Variants in ARRDC4 observed in about 807,000 individuals in gnomAD.
The protein encoded by ARRDC4 is arrestin domain containing 4.
Under a neutral mutation model 44.6 loss-of-function variants are expected in ARRDC4, and 40 were observed. That is an observed-to-expected ratio of 0.90 (90% confidence interval 0.70 to 1.17). ARRDC4 has a LOEUF of 1.17. Ranked by LOEUF, ARRDC4 falls within the 50% of genes most tolerant of loss-of-function variation. ARRDC4 has a pLI of 0.00. For synonymous variants in ARRDC4, 211 were observed against 221.2 expected, an observed-to-expected ratio of 0.95 and a Z score of 0.41; for missense variants, 550 against 559.1, an observed-to-expected ratio of 0.98 and a Z score of 0.16.
rs1899485347 is a variant in ARRDC4 at position 97,970,170 on chromosome 15, C to G, written c.1045+125C>G. Reference sequence around the variant, plus strand: ...GCTACTATAGGTATCTTTATTCCTACTACTAAAAAATCAGAAAGCATTAGT... The same window carrying G: ...GCTACTATAGGTATCTTTATTCCTAGTACTAAAAAATCAGAAAGCATTAGT... On this transcript the variant is annotated intron_variant, in intron 6 of 7. Coordinates refer to ENST00000268042, the MANE Select transcript of ARRDC4 (RefSeq NM_183376.3). This position sits in a 1 kb window ranked among gnomAD's most constrained non-coding sequence, Gnocchi z 4.2. 1 of 1,072,476 alleles carries G rather than the reference C, an allele frequency of 9.3e-7. No homozygotes were observed. Among genetic ancestry groups the G allele is most frequent in the Non-Finnish European group, 1.3e-6 (1 of 794,502 alleles). The allele number at this position is 1,072,476 out of a possible 1,614,324, so 66.4% of individuals were successfully genotyped here.
At position 97,965,531 on chromosome 15, in the gene ARRDC4, T is replaced by C; in HGVS notation, c.308-69T>C. The stretch of plus-strand genomic sequence containing the variant: ...GAGAAAAACTTCCTTCAAAAAATTA[T>C]TTACATTGTGAAAACTCTTGATCTA... On this transcript the variant is annotated intron_variant, in intron 1 of 7. Transcript: ENST00000268042. This position sits in a 1 kb window ranked among gnomAD's most constrained non-coding sequence, Gnocchi z 5.1. 1 of 1,333,790 alleles carries C rather than the reference T, an allele frequency of 7.5e-7. No homozygotes were observed. The highest frequency in any genetic ancestry group is 1.2e-5 in the South Asian group (1 of 82,866). 82.6% of individuals were successfully genotyped at this position (1,333,790 alleles called of 1,614,324 possible). A position where few individuals can be genotyped will look rare whatever the true frequency, so the allele number is the denominator to read the frequency against.
At position 97,965,868 on chromosome 15, in the gene ARRDC4, A is replaced by C. The variant is rs781067926; in HGVS notation, c.375-27A>C. 2 of 1,605,096 alleles carry C rather than the reference A, an allele frequency of 1.2e-6. No individual in the cohort carries two copies. The highest frequency in any genetic ancestry group is 3.4e-5 in the Admixed American group (2 of 58,484). On this transcript the variant is annotated intron_variant, in intron 2 of 7. Transcript: ENST00000268042. The surrounding 1 kb of genome is among the most constrained non-coding windows in gnomAD (Gnocchi z 5.1). ...CTTTGTTTAACTGAAAAGTAAACTCATAATTAATGTCTTTGGTTGGTTTCA... is the reference window on the plus strand; with the variant it reads ...CTTTGTTTAACTGAAAAGTAAACTCCTAATTAATGTCTTTGGTTGGTTTCA...
At position 97,965,323 on chromosome 15, in the gene ARRDC4, C is replaced by T. The variant is rs951476584; in HGVS notation, c.308-277C>T. Among the ~76,000 whole-genome samples, 6 of 152,152 alleles carry T rather than the reference C, an allele frequency of 3.9e-5. No homozygotes were observed. The East Asian group carries it at 7.7e-4, about 20-fold the overall frequency. ...ATGGCACATGCATATAGTCCCAGCT[C>T]CTTGGGAGTCTGAGGCAGGAAGATT... is the stretch of plus-strand genomic sequence containing the variant. On this transcript the variant is annotated intron_variant, in intron 1 of 7. Coordinates refer to ENST00000268042, the MANE Select transcript of ARRDC4 (RefSeq NM_183376.3). This position sits in a 1 kb window ranked among gnomAD's most constrained non-coding sequence, Gnocchi z 5.1.
chr15:97,961,292 G>A lies in ARRDC4; in HGVS notation c.307+124G>A, dbSNP rs954866737. 9 of 921,562 alleles carry A rather than the reference G, an allele frequency of 9.8e-6. No homozygotes were observed. In the South Asian group the frequency reaches 3.1e-4, roughly 32 times the overall value. 57.1% of individuals were successfully genotyped at this position (921,562 alleles called of 1,614,324 possible). A position where few individuals can be genotyped will look rare whatever the true frequency, so the allele number is the denominator to read the frequency against. The stretch of plus-strand genomic sequence containing the variant: ...GATCAGGGCGGGCTTCCGGGGGTGG[G>A]GTCCGGCCTACCCTCGCGGGTAAGG... On this transcript the variant is annotated intron_variant, in intron 1 of 7. Coordinates refer to ENST00000268042, the MANE Select transcript of ARRDC4 (RefSeq NM_183376.3).
rs34951525 is a variant in ARRDC4, at chr15:97,972,309, A to T, written c.*1122A>T. ...GAGTGCCATTTTTAGAAAAGACACA[A>T]CTTTAATTCCTGTCAAGAGACCTAG... On this transcript the variant is annotated 3_prime_UTR_variant, in exon 8 of 8. Coordinates refer to ENST00000268042, the MANE Select transcript of ARRDC4 (RefSeq NM_183376.3). This position sits in a 1 kb window ranked among gnomAD's most constrained non-coding sequence, Gnocchi z 5.3. 8,295 of 152,698 alleles carry T rather than the reference A, an allele frequency of 0.054. 300 individuals carry two copies. Among genetic ancestry groups the T allele is most frequent in the East Asian group, 0.17 (880 of 5,178 alleles). The allele number at this position is 152,698 out of a possible 1,614,324, so 9.5% of individuals were successfully genotyped here. A position where few individuals can be genotyped will look rare whatever the true frequency, so the allele number is the denominator to read the frequency against.
rs1326832952 is a variant in ARRDC4 at position 97,968,542 on chromosome 15, G to A, written c.625+426G>A. On this transcript the variant is annotated intron_variant, in intron 4 of 7. Transcript: ENST00000268042. This position sits in a 1 kb window ranked among gnomAD's most constrained non-coding sequence, Gnocchi z 5.4. ...AGTGTATTAACAAACTTAACAATCA[G>A]ATTGTTACTGGAATTGCCATTAGTG... 6.6e-6 allele frequency among the ~76,000 whole-genome samples: 1 copy of A among 152,202 alleles called. No individual in the cohort carries two copies. The highest frequency in any genetic ancestry group is 1.5e-5 in the Non-Finnish European group (1 of 68,026).
rs996455442 is a variant in ARRDC4, at chr15:97,967,679, T to G, written c.523-335T>G. On this transcript the variant is annotated intron_variant, in intron 3 of 7. Coordinates refer to ENST00000268042, the MANE Select transcript of ARRDC4 (RefSeq NM_183376.3). The surrounding 1 kb of genome is among the most constrained non-coding windows in gnomAD (Gnocchi z 5.0). ...TTATATATAAAGTCTTAAAAATAAT[T>G]CTGTCATGTTTATAAGTCCTAATAC... is the stretch of plus-strand genomic sequence containing the variant. Among the ~76,000 whole-genome samples, 1 of 152,146 alleles carries G rather than the reference T, an allele frequency of 6.6e-6. No individual in the cohort carries two copies. The highest frequency in any genetic ancestry group is 1.5e-5 in the Non-Finnish European group (1 of 68,024).
At chr15:97,969,093 G>A (rs1279925370) in intron 4 of ARRDC4, 30 bp from the exon 5 acceptor site, 2 of 1,605,210 alleles carry the variant, frequency 1.2e-6, no homozygotes, top group Middle Eastern at 3.3e-4. Context: ...AAGAGTCTCT[G>A]AATCCTCCCT....
chr15:97,971,014 G>T (rs1372096297), intron 7 of ARRDC4, 117 bp from the exon 8 acceptor site: 2 of 1,186,750 alleles, frequency 1.7e-6, no homozygotes, highest in Non-Finnish European at 2.5e-6. Context: ...AGCACCTTCT[G>T]GGACTTACAC....
chr15:97,970,031 C>A lies in ARRDC4; in HGVS notation c.1031C>A (p.Pro344Gln), dbSNP rs145261339. The part of the protein sequence containing the change: ...MDMSWLTLTL[P>Q]EQPEAPPNYA... ...ATGAGCTGGTTGACACTGACCCTGC[C>A]AGAGCAGCCTGAAGGTAAAATATGT... is the stretch of plus-strand genomic sequence containing the variant. The change falls in exon 6 of 8, where the codon CCA (proline) becomes CAA (glutamine). Residue 344 changes from proline to glutamine, a missense_variant. Physicochemically the swap from Pro to Gln is moderately conservative, Grantham distance 76. Coordinates refer to ENST00000268042, the MANE Select transcript of ARRDC4 (RefSeq NM_183376.3). This position sits in a 1 kb window ranked among gnomAD's most constrained non-coding sequence, Gnocchi z 4.2. 1 of 1,608,862 alleles carries A rather than the reference C, an allele frequency of 6.2e-7. No homozygotes were observed. The highest frequency in any genetic ancestry group is 8.5e-7 in the Non-Finnish European group (1 of 1,177,346).
At position 97,965,585 on chromosome 15, in the gene ARRDC4, T is replaced by C; in HGVS notation, c.308-15T>C. ...CTAACTATCCTTCATTAAAATAAAATACAATCTCTTATAGGTGAAGGCATC... is the reference window on the plus strand; with the variant it reads ...CTAACTATCCTTCATTAAAATAAAACACAATCTCTTATAGGTGAAGGCATC... On this transcript the variant is annotated splice_polypyrimidine_tract_variant and intron_variant, in intron 1 of 7. Transcript: ENST00000268042. The surrounding 1 kb of genome is among the most constrained non-coding windows in gnomAD (Gnocchi z 5.1). The C allele has an allele frequency of 6.3e-7, 1 of 1,592,538 alleles. No homozygotes were observed.
chr15:97,962,855 T>C (rs1050612664), intron 1 of ARRDC4, among the ~76,000 whole-genome samples: 17 of 152,222 alleles, frequency 1.1e-4, no homozygotes, highest in Admixed American at 5.9e-4. Flanking sequence ...TTACAAAACC[T>C]GGCTGTGTTT....
In ARRDC4 at chr15:97,970,504, T is replaced by C. The variant is rs567807605; in HGVS notation, c.1046-85T>C. ...ATGCCATATTTTTTATCTTCAAGTT[T>C]AGCTGTTTCTTGTTTTTGTAGCAGT... On this transcript the variant is annotated intron_variant, in intron 6 of 7. Coordinates refer to ENST00000268042, the MANE Select transcript of ARRDC4 (RefSeq NM_183376.3). This position sits in a 1 kb window ranked among gnomAD's most constrained non-coding sequence, Gnocchi z 4.2. The C allele has an allele frequency of 7.3e-7, 1 of 1,377,246 alleles. No homozygotes were observed. Among genetic ancestry groups the C allele is most frequent in the African/African-American group, 1.4e-5 (1 of 69,268 alleles). The allele number at this position is 1,377,246 out of a possible 1,614,324, so 85.3% of individuals were successfully genotyped here.
rs1442748318 is a variant in ARRDC4 at position 97,970,234 on chromosome 15, G to T, written c.1045+189G>T. Among the ~76,000 whole-genome samples the T allele has an allele frequency of 6.6e-6, 1 of 152,062 alleles. No individual in the cohort carries two copies. The highest frequency in any genetic ancestry group is 1.5e-5 in the Non-Finnish European group (1 of 68,010). On this transcript the variant is annotated intron_variant, in intron 6 of 7. Coordinates refer to ENST00000268042, the MANE Select transcript of ARRDC4 (RefSeq NM_183376.3). This position sits in a 1 kb window ranked among gnomAD's most constrained non-coding sequence, Gnocchi z 4.2. ...TTGAAAGTTTAGCTTTATCTAGGAC[G>T]CAAAGCTGCTGATAGCAGATTCAGG...
Position 97,960,819 on chromosome 15 carries a change from G to C in ARRDC4, c.-43G>C. 1.6e-6 allele frequency: 2 copies of C among 1,268,598 alleles called. No individual in the cohort carries two copies. The highest frequency in any genetic ancestry group is 2.0e-6 in the Non-Finnish European group (2 of 1,008,604). 78.6% of individuals were successfully genotyped at this position (1,268,598 alleles called of 1,614,324 possible). ...CGCTGTGCTCGCGACCCCGGCTCCG[G>C]GCCTCTGCCGACCTCAGGGGCAGGA... is the stretch of plus-strand genomic sequence containing the variant. On this transcript the variant is annotated 5_prime_UTR_variant, in exon 1 of 8. Coordinates refer to ENST00000268042, the MANE Select transcript of ARRDC4 (RefSeq NM_183376.3).
At chr15:97,964,016 T>A (rs1899370931) in intron 1 of ARRDC4, among the ~76,000 whole-genome samples, 1 of 152,156 alleles carries the variant, frequency 6.6e-6, no homozygotes, top group African/African-American at 2.4e-5. Context: ...CATGCCCCTG[T>A]GACTTGTTCT....
intron 1 of ARRDC4, among the ~76,000 whole-genome samples, chr15:97,962,122 C>G (rs902548409): frequency 6.6e-6 from 1 of 152,130 alleles, no homozygotes; most frequent in African/African-American, 2.4e-5. Flanking sequence ...TGGTATGCAC[C>G]TCCTCTCCTT....
At chr15:97,969,801 A>C in intron 5 of ARRDC4, 82 bp from the exon 6 acceptor site, 1 of 1,310,492 alleles carries the variant, frequency 7.6e-7, no homozygotes, top group Middle Eastern at 2.8e-4. Context: ...TTCTATGAAA[A>C]AAAGAAATTA....
chr15:97,961,600 A>G (rs1036330236), intron 1 of ARRDC4, among the ~76,000 whole-genome samples: 1 of 152,204 alleles, frequency 6.6e-6, no homozygotes, highest in Admixed American at 6.5e-5. Flanking sequence ...TTCTTGGTTC[A>G]TGATGAATTA....
Sources: gnomAD v4.1 joint callset for allele counts (sites outside exome capture counted in the v4.1 genomes callset) on GRCh38, gnomAD v4.1.1 for gene constraint, Gnocchi (gnomAD v3.1) non-coding constraint, MANE v1.5 for transcripts, NCBI Gene and HGNC (gene_info 2026-07-23, HGNC 2026-07-21) for gene names.